The following TWIST2 variants were observed in gnomAD, a reference collection of about 807,000 sequenced individuals.
TWIST2 encodes twist-related protein 2.
Under a neutral mutation model 11.6 loss-of-function variants are expected in TWIST2, and 1 was observed. The observed-to-expected ratio is 0.09, with a 90% confidence interval of 0.03 to 0.41. The LOEUF (loss-of-function observed/expected upper bound fraction) is 0.41. TWIST2 is among the 10% of genes least tolerant of loss of function. The pLI is 0.98. For synonymous variants in TWIST2, 87 were observed against 96.6 expected (o/e 0.90, Z 0.58); for missense variants, 168 against 226.4 (o/e 0.74, Z 1.66).
At chr2:238,878,046 G>A (rs1002155931) in intron 1 of TWIST2, among the ~76,000 whole-genome samples, 4 of 152,138 alleles carry the variant, frequency 2.6e-5, no homozygotes, top group Non-Finnish European at 5.9e-5. Context: ...CCATGAAGAC[G>A]GTGGATTATG....
chr2:238,902,672 TGTG>T (rs1390032853), intron 1 of TWIST2, among the ~76,000 whole-genome samples: 199 of 144,134 alleles, frequency 1.4e-3, no homozygotes, highest in African/African-American at 4.4e-3. Flanking sequence ...GTGTGTGTGA[TGTG>T]GGGTGTGTGT....
chr2:238,906,630 ACT>A (rs1256429771), intron 1 of TWIST2, among the ~76,000 whole-genome samples: 14 of 151,414 alleles, frequency 9.2e-5, no homozygotes, highest in African/African-American at 2.7e-4. Context: ...ACTCACACTC[ACT>A]CTCACACTAG....
At chr2:238,896,911 A>G (rs924334478) in intron 1 of TWIST2, among the ~76,000 whole-genome samples, 1 of 152,208 alleles carries the variant, frequency 6.6e-6, no homozygotes, top group Non-Finnish European at 1.5e-5. Context: ...CCTGCCTGTA[A>G]CAGTCACTGC....
intron 1 of TWIST2, among the ~76,000 whole-genome samples, chr2:238,906,155 G>C (rs1036267868): frequency 6.6e-6 from 1 of 152,060 alleles, no homozygotes; most frequent in African/African-American, 2.4e-5. Flanking sequence ...AGAGGGCTGG[G>C]GGTGAAGGAG....
chr2:238,902,978 T>TG (rs1174858646), intron 1 of TWIST2, among the ~76,000 whole-genome samples: 20,430 of 27,816 alleles, frequency 0.73, 9,428 homozygotes, highest in Admixed American at 0.79. Context: ...GTGTGTGATG[T>TG]GGGTGTGTGA....
rs1692561028 is a variant in TWIST2, at chr2:238,867,379, AC to A, written c.*35+18647del. 6.7e-6 allele frequency among the ~76,000 whole-genome samples: 1 copy of A among 148,940 alleles called. No homozygotes were observed. Among genetic ancestry groups the A allele is most frequent in the Admixed American group, 6.7e-5 (1 of 14,946 alleles). On this transcript the variant is annotated intron_variant, in intron 1 of 1. Transcript: ENST00000612363. The surrounding 1 kb of genome is among the most constrained non-coding windows in gnomAD (Gnocchi z 4.8). ...AAAATGTCCTGCCTTCAACACACACACACACACACACACACACACACACACA... is the reference window on the plus strand; with the variant it reads ...AAAATGTCCTGCCTTCAACACACACAACACACACACACACACACACACACA...
chr2:238,904,947 A>G (rs1057293737), intron 1 of TWIST2, among the ~76,000 whole-genome samples: 11,616 of 151,950 alleles, frequency 0.076, 519 homozygotes, highest in East Asian at 0.16. Flanking sequence ...GGATCAATGA[A>G]GAAATGGATG....
intron 1 of TWIST2, among the ~76,000 whole-genome samples, chr2:238,885,798 G>A (rs572348297): frequency 7.2e-5 from 11 of 152,234 alleles, no homozygotes; most frequent in African/African-American, 2.2e-4. Flanking sequence ...CTGGTTAGGC[G>A]TGGTGGCTCA....
chr2:238,894,323 T>C (rs1339819081), intron 1 of TWIST2, among the ~76,000 whole-genome samples: 1 of 151,734 alleles, frequency 6.6e-6, no homozygotes, highest in East Asian at 2.0e-4. Context: ...TGACTCCTCC[T>C]CTCTAGATCT....
intron 1 of TWIST2, among the ~76,000 whole-genome samples, chr2:238,857,145 G>C (rs1250329078): frequency 2.0e-5 from 3 of 152,200 alleles, no homozygotes; most frequent in East Asian, 1.9e-4. Context: ...GGGCACCATG[G>C]GCATGGTGCC....
intron 1 of TWIST2, among the ~76,000 whole-genome samples, chr2:238,857,347 G>A (rs1692350540): frequency 6.6e-6 from 1 of 152,200 alleles, no homozygotes; most frequent in South Asian, 2.1e-4. Context: ...GTCTGAGCAT[G>A]AGCCCAGCAC....
At chr2:238,905,974 C>G (rs1268574821) in intron 1 of TWIST2, among the ~76,000 whole-genome samples, 1 of 124,878 alleles carries the variant, frequency 8.0e-6, no homozygotes, top group Non-Finnish European at 1.7e-5. Context: ...CGTGTGTGTG[C>G]GCGCGCGTGT....
intron 1 of TWIST2, among the ~76,000 whole-genome samples, chr2:238,902,299 GTA>G (rs1367359727): frequency 6.6e-6 from 1 of 151,144 alleles, no homozygotes; most frequent in Admixed American, 6.6e-5. Flanking sequence ...GTGATATGGA[GTA>G]TGTGTGTGTG....
intron 1 of TWIST2, among the ~76,000 whole-genome samples, chr2:238,898,127 C>G (rs996401179): frequency 3.3e-5 from 5 of 152,196 alleles, no homozygotes; most frequent in African/African-American, 1.2e-4. Context: ...CGAACGCGGT[C>G]TCAGGGCCCG....
chr2:238,870,241 A>C (rs1281027039), intron 1 of TWIST2, among the ~76,000 whole-genome samples: 7 of 636 alleles, frequency 0.011, no homozygotes, highest in East Asian at 0.022. Context: ...ACCACACACA[A>C]ACCACACACC....
chr2:238,905,376 A>C (rs1194563098), intron 1 of TWIST2, among the ~76,000 whole-genome samples: 1 of 152,172 alleles, frequency 6.6e-6, no homozygotes, highest in African/African-American at 2.4e-5. Context: ...TGTATGCAGG[A>C]GGCGCTCCCC....
chr2:238,869,226 G>A (rs549487694), intron 1 of TWIST2, among the ~76,000 whole-genome samples: 12 of 152,306 alleles, frequency 7.9e-5, no homozygotes, highest in Non-Finnish European at 1.6e-4. Context: ...TTTCACAAGC[G>A]GTGCTGGCAC....
intron 1 of TWIST2, among the ~76,000 whole-genome samples, chr2:238,909,161 A>ATGTG (rs1693410922): frequency 1.5e-5 from 1 of 67,938 alleles, no homozygotes; most frequent in Non-Finnish European, 2.7e-5. Context: ...TGTGGTGTGT[A>ATGTG]GTGTGGGGTG....
chr2:238,851,722 T>A (rs1692245067), intron 1 of TWIST2, among the ~76,000 whole-genome samples: 1 of 152,176 alleles, frequency 6.6e-6, no homozygotes, highest in African/African-American at 2.4e-5. Context: ...GAAAATCAGT[T>A]CTTCGTGGAG....
Sources: gnomAD v4.1 joint callset for allele counts (sites outside exome capture counted in the v4.1 genomes callset) on GRCh38, gnomAD v4.1.1 for gene constraint, Gnocchi (gnomAD v3.1) non-coding constraint, MANE v1.5 for transcripts, NCBI Gene and HGNC (gene_info 2026-07-23, HGNC 2026-07-21) for gene names.